The following UPK1B variants were observed in gnomAD, a reference collection of about 807,000 sequenced individuals.
UPK1B encodes the protein uroplakin 1B, also known as uroplakin-1b.
In UPK1B, 28 loss-of-function variants were observed where a neutral mutation model predicts 34.2. The observed-to-expected ratio is 0.82, with a 90% CI of 0.61 to 1.12. UPK1B has a LOEUF of 1.12. UPK1B is among the 50% of genes most tolerant of loss of function. UPK1B has a pLI of 0.00. For synonymous variants in UPK1B, 81 were observed against 110.4 expected, an observed-to-expected ratio of 0.73 and a Z score of 1.67; for missense variants, 325 against 320.9, an observed-to-expected ratio of 1.01 and a Z score of -0.10.
chr3:119,182,886 T>G (rs899121341), intron 1 of UPK1B, among the ~76,000 whole-genome samples: 2 of 152,256 alleles, frequency 1.3e-5, no homozygotes, highest in Non-Finnish European at 2.9e-5. Context: ...GGTAGGTGGA[T>G]GAGCTGTAGA....
intron 7 of UPK1B, among the ~76,000 whole-genome samples, chr3:119,200,934 C>G (rs2078087967): frequency 6.6e-6 from 1 of 152,224 alleles, no homozygotes; most frequent in Non-Finnish European, 1.5e-5. Flanking sequence ...TACTTCCTTT[C>G]TGTCATGCAG....
intron 4 of UPK1B, among the ~76,000 whole-genome samples, 157 bp from the exon 5 acceptor site, chr3:119,190,825 T>C (rs989111455): frequency 1.3e-5 from 2 of 152,352 alleles, no homozygotes; most frequent in East Asian, 1.9e-4. Flanking sequence ...TGGGGACTTA[T>C]GCCAACCTCA....
chr3:119,203,855 C>A, intron 7 of UPK1B, 62 bp from the exon 8 acceptor site: 2 of 1,547,420 alleles, frequency 1.3e-6, no homozygotes, highest in Non-Finnish European at 1.8e-6. Context: ...CCACTTTTTC[C>A]AAGAATGAGA....
intron 1 of UPK1B, among the ~76,000 whole-genome samples, chr3:119,178,899 G>A (rs1300938084): frequency 6.6e-6 from 1 of 152,122 alleles, no homozygotes; most frequent in African/African-American, 2.4e-5. Flanking sequence ...CAGAAGTTAG[G>A]GGCTGGCAGT....
chr3:119,203,975 G>A lies in UPK1B; in HGVS notation c.*8G>A, dbSNP rs766117150. The A allele has an allele frequency of 5.6e-6, 9 of 1,613,826 alleles. No homozygotes were observed. In the South Asian group the frequency reaches 8.8e-5, roughly 16 times the overall value. On this transcript the variant is annotated 3_prime_UTR_variant, in exon 8 of 8. Transcript: ENST00000264234. ...AGCAGAATTGAATATTAAGCATAAA[G>A]TGTTGCCACCATACCTCCTTCCCCG... is the stretch of plus-strand genomic sequence containing the variant.
chr3:119,199,260 G>A (rs1423518842), intron 7 of UPK1B, 120 bp downstream of exon 7: 2 of 1,149,596 alleles, frequency 1.7e-6, no homozygotes, highest in African/African-American at 3.1e-5. Flanking sequence ...AGGCCTGAAG[G>A]CTAGTCAGGA....
chr3:119,190,461 C>A (rs919465814), intron 4 of UPK1B, 142 bp downstream of exon 4: 7 of 556,488 alleles, frequency 1.3e-5, no homozygotes, highest in Non-Finnish European at 2.2e-5. Context: ...CCTCATAAAT[C>A]TATGAAATAG....
At chr3:119,203,458 T>C (rs2078103378) in intron 7 of UPK1B, among the ~76,000 whole-genome samples, 1 of 149,414 alleles carries the variant, frequency 6.7e-6, no homozygotes, top group Admixed American at 6.7e-5. Flanking sequence ...CACTATGGAA[T>C]ACTATGCAGC....
rs781492918 is a variant in UPK1B, at chr3:119,190,994, C to A, written c.358C>A (p.Leu120Ile). The change falls in exon 5 of 8, where the codon CTC becomes ATC. Residue 120 changes from leucine (L) to isoleucine (I), a missense_variant. Leu to Ile is a conservative substitution (Grantham distance 5). Transcript: ENST00000264234. ...ATQQDFFTPN[L>I]FLKQMLERYQ... ...CTTCCTACTATAGTTCACACCCAAC[C>A]TCTTCCTGAAGCAGATGCTAGAGAG... 6.2e-7 allele frequency: 1 copy of A among 1,613,980 alleles called. No homozygotes were observed. Among genetic ancestry groups the A allele is most frequent in the Middle Eastern group, 1.7e-4 (1 of 6,056 alleles).
intron 3 of UPK1B, among the ~76,000 whole-genome samples, chr3:119,189,404 A>G (rs1221414412): frequency 6.6e-6 from 1 of 152,214 alleles, no homozygotes. Context: ...CCTTCTCCCA[A>G]GAGTGTGTGC....
chr3:119,176,639 G>T (rs151185926), intron 1 of UPK1B, among the ~76,000 whole-genome samples: 1 of 152,136 alleles, frequency 6.6e-6, no homozygotes, highest in Admixed American at 6.5e-5. Flanking sequence ...GGTGAGTTGC[G>T]TACTTTCAGT....
chr3:119,186,096 G>A (rs2078016918), intron 1 of UPK1B, among the ~76,000 whole-genome samples: 1 of 152,182 alleles, frequency 6.6e-6, no homozygotes, highest in African/African-American at 2.4e-5. Flanking sequence ...ACCGAACTGG[G>A]TTATGAGAAT....
intron 4 of UPK1B, 76 bp from the exon 5 acceptor site, chr3:119,190,906 A>T (rs1451143201): frequency 1.9e-6 from 3 of 1,579,474 alleles, no homozygotes; most frequent in Non-Finnish European, 1.7e-6. Flanking sequence ...CCAGGAAAAG[A>T]CAGAGAAAAA....
intron 3 of UPK1B, among the ~76,000 whole-genome samples, chr3:119,188,837 A>G (rs1476434836): frequency 2.6e-5 from 4 of 152,166 alleles, no homozygotes; most frequent in African/African-American, 7.2e-5. Flanking sequence ...TTCCCCCTTT[A>G]TAGAATGAGT....
chr3:119,178,635 T>C (rs954640302), intron 1 of UPK1B, among the ~76,000 whole-genome samples: 1 of 152,236 alleles, frequency 6.6e-6, no homozygotes, highest in Non-Finnish European at 1.5e-5. Context: ...GATTTTAGCA[T>C]AGACAGGTGG....
intron 1 of UPK1B, among the ~76,000 whole-genome samples, chr3:119,183,077 A>G (rs2077996366): frequency 6.6e-6 from 1 of 152,186 alleles, no homozygotes; most frequent in African/African-American, 2.4e-5. Flanking sequence ...GAGCAGGGAA[A>G]TGTGTCTGTT....
chr3:119,176,912 C>G (rs2077959570), intron 1 of UPK1B, among the ~76,000 whole-genome samples: 1 of 152,166 alleles, frequency 6.6e-6, no homozygotes, highest in Non-Finnish European at 1.5e-5. Context: ...GTCAGTATAG[C>G]CAGAGAGACA....
At chr3:119,188,308 C>T (rs2078028935) in intron 3 of UPK1B, among the ~76,000 whole-genome samples, 1 of 152,246 alleles carries the variant, frequency 6.6e-6, no homozygotes, top group Middle Eastern at 3.4e-3. Flanking sequence ...AGGAGAGACA[C>T]AGTGAGAATT....
chr3:119,186,887 A>G (rs900429344), intron 2 of UPK1B, 77 bp downstream of exon 2: 1 of 1,477,390 alleles, frequency 6.8e-7, no homozygotes, highest in Non-Finnish European at 9.4e-7. Context: ...GTAAGAGTTT[A>G]AAGGAAAATA....
Sources: gnomAD v4.1 joint callset for allele counts (sites outside exome capture counted in the v4.1 genomes callset) on GRCh38, gnomAD v4.1.1 for gene constraint, MANE v1.5 for transcripts, NCBI Gene and HGNC (gene_info 2026-07-23, HGNC 2026-07-21) for gene names.